The following FTCDNL1 variants were observed in gnomAD, a reference collection of about 807,000 sequenced individuals.
FTCDNL1 encodes the protein formiminotransferase N-terminal subdomain-containing protein.
Under a neutral mutation model 5.9 loss-of-function variants are expected in FTCDNL1, and 11 were observed. That is an observed-to-expected ratio of 1.87 (90% CI 1.18 to 3.10). The LOEUF is 3.10. Among genes scored for constraint, FTCDNL1 ranks in the 30% most tolerant of loss-of-function variants. The pLI, the probability that FTCDNL1 is intolerant of heterozygous loss-of-function variation, is 0.00. For missense variants in FTCDNL1, 115 were observed against 65.5 expected, an observed-to-expected ratio of 1.76 and a Z score of -2.61; for synonymous variants, 58 against 24.8, an observed-to-expected ratio of 2.34 and a Z score of -3.99.
chr2:199,769,561 C>CA (rs1326489953), intron 3 of FTCDNL1, among the ~76,000 whole-genome samples: 2 of 152,150 alleles, frequency 1.3e-5, no homozygotes, highest in Non-Finnish European at 2.9e-5. Context: ...TCTTTAGTAG[C>CA]AGTGTGAGAA....
At chr2:199,831,749 T>C (rs1483162657) in intron 3 of FTCDNL1, among the ~76,000 whole-genome samples, 1 of 152,186 alleles carries the variant, frequency 6.6e-6, no homozygotes, top group African/African-American at 2.4e-5. Context: ...ATTTTAACCT[T>C]AACTGTAGTA....
intron 3 of FTCDNL1, among the ~76,000 whole-genome samples, chr2:199,774,628 C>T (rs1006753442): frequency 5.9e-5 from 9 of 152,058 alleles, no homozygotes; most frequent in African/African-American, 2.2e-4. Context: ...TTTTTTAGTG[C>T]ACCCACCCAG....
chr2:199,734,448 T>C, the FTCDNL1 span, among the ~76,000 whole-genome samples: 4 of 152,226 alleles, frequency 2.6e-5, no homozygotes, highest in Admixed American at 2.6e-4. Context: ...CAATTACTAA[T>C]GATTTTATTG....
the FTCDNL1 span, among the ~76,000 whole-genome samples, chr2:199,683,072 A>G: frequency 5.9e-5 from 9 of 152,296 alleles, no homozygotes; most frequent in African/African-American, 1.9e-4. Flanking sequence ...TCTCTTTCCC[A>G]CTGTACAACT....
the FTCDNL1 span, among the ~76,000 whole-genome samples, chr2:199,747,036 C>T: frequency 7.0e-6 from 1 of 141,858 alleles, no homozygotes; most frequent in Non-Finnish European, 1.5e-5. Context: ...AACACACACA[C>T]ACACACACAC....
At chr2:199,836,703 C>T (rs1178231205) in intron 3 of FTCDNL1, among the ~76,000 whole-genome samples, 3 of 152,050 alleles carry the variant, frequency 2.0e-5, no homozygotes, top group East Asian at 3.9e-4. Context: ...AAGGTCAAGG[C>T]TACAGTGAGC....
chr2:199,699,379 G>C, the FTCDNL1 span, among the ~76,000 whole-genome samples: 1 of 152,204 alleles, frequency 6.6e-6, no homozygotes, highest in Admixed American at 6.5e-5. Flanking sequence ...ACCTATGCCT[G>C]GGAGTTTGAG....
Position 199,850,970 on chromosome 2 carries a change from T to C in FTCDNL1, c.-238A>G, listed in dbSNP as rs948963913. ...CAGCAGCGGCGAGGGCGCGGGGTTG[T>C]GGCGCCTGGGAGCGAGGGGCAGCCG... On this transcript the variant is annotated 5_prime_UTR_variant, in exon 1 of 5. Coordinates refer to ENST00000420128, the MANE Select transcript of FTCDNL1 (RefSeq NM_001363886.2). 3 of 152,022 alleles carry C rather than the reference T, an allele frequency of 2.0e-5. No homozygotes were observed. Among genetic ancestry groups the C allele is most frequent in the Non-Finnish European group, 2.9e-5 (2 of 67,984 alleles). 9.4% of individuals were successfully genotyped at this position (152,022 alleles called of 1,614,324 possible).
the FTCDNL1 span, among the ~76,000 whole-genome samples, chr2:199,699,481 A>G: frequency 6.6e-6 from 1 of 152,078 alleles, no homozygotes; most frequent in Non-Finnish European, 1.5e-5. Flanking sequence ...AAGAGTTTGT[A>G]CCAATACTAC....
chr2:199,742,359 A>G, the FTCDNL1 span, among the ~76,000 whole-genome samples: 1 of 152,074 alleles, frequency 6.6e-6, no homozygotes, highest in African/African-American at 2.4e-5. Flanking sequence ...CTGTTTTCCC[A>G]TTAACTGCTC....
chr2:199,812,910 C>T (rs1028377826), intron 4 of FTCDNL1, among the ~76,000 whole-genome samples, 186 bp from the exon 5 acceptor site: 2 of 152,248 alleles, frequency 1.3e-5, no homozygotes, highest in East Asian at 1.9e-4. Context: ...GTCTTCCTGA[C>T]AATTCTGTTA....
At chr2:199,763,270 C>T (rs780378237) in intron 3 of FTCDNL1, among the ~76,000 whole-genome samples, 4 of 151,770 alleles carry the variant, frequency 2.6e-5, no homozygotes, top group Non-Finnish European at 4.4e-5. Context: ...CTGGATGCTC[C>T]AGGGGCTCTG....
At chr2:199,847,132 T>G (rs2076752933) in intron 2 of FTCDNL1, among the ~76,000 whole-genome samples, 1 of 152,202 alleles carries the variant, frequency 6.6e-6, no homozygotes, top group South Asian at 2.1e-4. Flanking sequence ...CCTGCCCTGG[T>G]GTAGGTCTAA....
At chr2:199,682,587 C>A in the FTCDNL1 span, among the ~76,000 whole-genome samples, 88 of 152,188 alleles carry the variant, frequency 5.8e-4, no homozygotes, top group African/African-American at 2.0e-3. Flanking sequence ...CACACAGAAC[C>A]ATAATATATT....
chr2:199,681,296 A>G, the FTCDNL1 span, among the ~76,000 whole-genome samples: 2 of 152,126 alleles, frequency 1.3e-5, no homozygotes, highest in Admixed American at 6.5e-5. Flanking sequence ...TCTACTAATA[A>G]TACAAAAAAA....
At chr2:199,800,037 G>C (rs1466255468) in intron 3 of FTCDNL1, among the ~76,000 whole-genome samples, 3 of 152,050 alleles carry the variant, frequency 2.0e-5, no homozygotes, top group Non-Finnish European at 4.4e-5. Flanking sequence ...AAAACACTGT[G>C]ATTATATAAT....
the FTCDNL1 span, among the ~76,000 whole-genome samples, chr2:199,741,233 T>A: frequency 6.6e-6 from 1 of 152,010 alleles, no homozygotes; most frequent in Non-Finnish European, 1.5e-5. Flanking sequence ...CTATGATCGC[T>A]CCACTGCACG....
the FTCDNL1 span, among the ~76,000 whole-genome samples, chr2:199,667,005 G>C: frequency 6.6e-6 from 1 of 151,686 alleles, no homozygotes; most frequent in Non-Finnish European, 1.5e-5. Context: ...ACTATGATTC[G>C]TCAGACCAGG....
chr2:199,714,781 G>A, the FTCDNL1 span, among the ~76,000 whole-genome samples: 2 of 152,062 alleles, frequency 1.3e-5, no homozygotes, highest in Non-Finnish European at 2.9e-5. Flanking sequence ...CTTGTACAGG[G>A]ACGGCAGAGG....
Sources: gnomAD v4.1 joint callset for allele counts (sites outside exome capture counted in the v4.1 genomes callset) on GRCh38, gnomAD v4.1.1 for gene constraint, MANE v1.5 for transcripts, NCBI Gene and HGNC (gene_info 2026-07-23, HGNC 2026-07-21) for gene names.